SYTL1: variants seen among roughly 807,000 people sequenced by gnomAD.
SYTL1 encodes synaptotagmin like 1, also known as synaptotagmin-like protein 1.
A neutral mutation model predicts 74.6 loss-of-function variants in SYTL1; 53 were observed. The ratio of observed to expected loss-of-function variants is 0.71; its 90% CI spans 0.57 to 0.89. The LOEUF is 0.89. SYTL1 is among the 40% of genes least tolerant of loss of function. The probability of loss-of-function intolerance (pLI) is 0.00; values close to 1 mark genes in which losing one functional copy is unlikely to be tolerated. For missense variants in SYTL1, 728 were observed against 768.7 expected, an observed-to-expected ratio of 0.95 and a Z score of 0.63; for synonymous variants, 329 against 324.9, an observed-to-expected ratio of 1.01 and a Z score of -0.14.
Position 27,347,556 on chromosome 1 carries a change from G to T in SYTL1, c.327G>T (p.Lys109Asn). ...SDLVRASMRR[K>N]KSTRGDQAPG... ...TTGTCCGAGCGTCTATGCGCAGGAA[G>T]AAGAGCACCAGGGGTGAGAGGAGAT... The change falls in exon 3 of 15, where the codon AAG (lysine) becomes AAT (asparagine). Residue 109 changes from lysine to asparagine, a missense_variant. Coordinates refer to ENST00000616558, the MANE Select transcript of SYTL1 (RefSeq NM_001193308.2). This position sits in a 1 kb window ranked among gnomAD's most constrained non-coding sequence, Gnocchi z 4.9. The T allele has an allele frequency of 1.9e-6, 3 of 1,614,038 alleles. No homozygotes were observed. The highest frequency in any genetic ancestry group is 1.1e-5 in the South Asian group (1 of 91,088).
At position 27,350,898 on chromosome 1, in the gene SYTL1, C is replaced by A; in HGVS notation, c.1110C>A (p.Pro370=). ...TCTTTCTGGGCGAAGTTGAAGTGCC[C>A]CTGGACACGTGGGACTGGGGCTCTG... ...RNIFLGEVEV[P]LDTWDWGSEP... Residue 370 remains proline, a synonymous_variant, in exon 11 of 15, where the codon CCC becomes CCA. Transcript: ENST00000616558. This position sits in a 1 kb window ranked among gnomAD's most constrained non-coding sequence, Gnocchi z 6.3. 1 of 1,613,718 alleles carries A rather than the reference C, an allele frequency of 6.2e-7. No homozygotes were observed. Among genetic ancestry groups the A allele is most frequent in the Non-Finnish European group, 8.5e-7 (1 of 1,179,982 alleles).
At chr1:27,344,371 G>T (rs75195611) in intron 1 of SYTL1, among the ~76,000 whole-genome samples, 41,530 of 151,682 alleles carry the variant, frequency 0.27, 7,318 homozygotes, top group Non-Finnish European at 0.39. Flanking sequence ...CCAAAGTGCT[G>T]GGATTACAGG....
rs777482526 is a variant in SYTL1 at position 27,350,824 on chromosome 1, C to T, written c.1036C>T (p.Arg346Cys). The change falls in exon 11 of 15, where the codon CGC (arginine) becomes TGC (cysteine). Residue 346 changes from arginine (R) to cysteine (C), a missense_variant. Physicochemically the swap from Arg to Cys is radical, Grantham distance 180. Transcript: ENST00000616558. The surrounding 1 kb of genome is among the most constrained non-coding windows in gnomAD (Gnocchi z 6.3). The stretch of plus-strand genomic sequence containing the variant: ...CGTCCCGCAGGCCGAGCTTCAGGGC[C>T]GCGTGCTGAGCCTGTCTGTGTGGCA... ...YSVPQAELQG[R>C]VLSLSVWHRE... 6 of 1,613,832 alleles carry T rather than the reference C, an allele frequency of 3.7e-6. No homozygotes were observed. Among genetic ancestry groups the T allele is most frequent in the Admixed American group, 1.7e-5 (1 of 60,022 alleles).
In SYTL1 at chr1:27,349,457, G is replaced by A. The variant is rs1571039472; in HGVS notation, c.592G>A (p.Ala198Thr). The A allele has an allele frequency of 6.9e-7, 1 of 1,453,050 alleles. No homozygotes were observed. Among genetic ancestry groups the A allele is most frequent in the East Asian group, 2.5e-5 (1 of 39,696 alleles). 90.0% of individuals were successfully genotyped at this position (1,453,050 alleles called of 1,614,324 possible). Residue 198 changes from alanine to threonine, a missense_variant, in exon 7 of 15, where the codon GCG becomes ACG. Physicochemically the swap from Ala to Thr is moderately conservative, Grantham distance 58. Transcript: ENST00000616558. Reference sequence around the variant, plus strand: ...GGAGGCTGACCCGGAGCTGGAGCCCGCGTCGGGGGGAGAGCAGGAGCCGCG... The same window carrying A: ...GGAGGCTGACCCGGAGCTGGAGCCCACGTCGGGGGGAGAGCAGGAGCCGCG... The part of the protein sequence containing the change: ...AEEADPELEP[A>T]SGGEQEPRPQ...
chr1:27,350,834 G>A lies in SYTL1; in HGVS notation c.1046G>A (p.Ser349Asn), dbSNP rs745555051. The change falls in exon 11 of 15, where the codon AGC becomes AAC. Residue 349 changes from serine (S) to asparagine (N), a missense_variant. By Grantham distance (46) the Ser-to-Asn change is conservative (BLOSUM62 1). Transcript: ENST00000616558. The surrounding 1 kb of genome is among the most constrained non-coding windows in gnomAD (Gnocchi z 6.3). ...GCCGAGCTTCAGGGCCGCGTGCTGA[G>A]CCTGTCTGTGTGGCACCGCGAAAGC... Reference protein sequence around the residue: ...PQAELQGRVLSLSVWHRESLG... With the variant: ...PQAELQGRVLNLSVWHRESLG... 1.9e-5 allele frequency: 30 copies of A among 1,613,746 alleles called. No homozygotes were observed. The highest frequency in any genetic ancestry group is 2.5e-5 in the Non-Finnish European group (29 of 1,180,036).
At position 27,348,473 on chromosome 1, in the gene SYTL1, T is replaced by C. The variant is rs2015096841; in HGVS notation, c.459+461T>C. Among the ~76,000 whole-genome samples, 1 of 151,856 alleles carries C rather than the reference T, an allele frequency of 6.6e-6. No homozygotes were observed. Among genetic ancestry groups the C allele is most frequent in the Admixed American group, 6.6e-5 (1 of 15,256 alleles). On this transcript the variant is annotated intron_variant, in intron 5 of 14. Transcript: ENST00000616558. This position sits in a 1 kb window ranked among gnomAD's most constrained non-coding sequence, Gnocchi z 4.1. Reference sequence around the variant, plus strand: ...GCTCACGCCTATAATCCCAGCACTTTGGGAAGCCGAGATCACCTGAGGTCA... The same window carrying C: ...GCTCACGCCTATAATCCCAGCACTTCGGGAAGCCGAGATCACCTGAGGTCA...
Position 27,350,883 on chromosome 1 carries a change from C to A in SYTL1, c.1095C>A (p.Gly365=). The part of the protein sequence containing the change: ...RESLGRNIFL[G]EVEVPLDTWD... ...GCCTGGGTCGCAACATCTTTCTGGG[C>A]GAAGTTGAAGTGCCCCTGGACACGT... is the stretch of plus-strand genomic sequence containing the variant. The change falls in exon 11 of 15, where the codon GGC becomes GGA. Residue 365 remains glycine, a synonymous_variant. Transcript: ENST00000616558. The surrounding 1 kb of genome is among the most constrained non-coding windows in gnomAD (Gnocchi z 6.3). The A allele has an allele frequency of 4.3e-6, 7 of 1,613,766 alleles. No homozygotes were observed. The highest frequency in any genetic ancestry group is 5.9e-6 in the Non-Finnish European group (7 of 1,180,004).
intron 1 of SYTL1, among the ~76,000 whole-genome samples, chr1:27,344,172 C>T (rs2014896566): frequency 6.6e-6 from 1 of 151,808 alleles, no homozygotes; most frequent in Admixed American, 6.6e-5. Context: ...GGTGTGATCT[C>T]GGTTTACCAT....
At chr1:27,346,697 G>A (rs2015017551) in intron 2 of SYTL1, among the ~76,000 whole-genome samples, 2 of 151,946 alleles carry the variant, frequency 1.3e-5, no homozygotes, top group South Asian at 4.1e-4. Flanking sequence ...AGGAGGTCAG[G>A]CTGCAATGAG....
rs2014970349 is a variant in SYTL1, at chr1:27,345,663, G to C, written c.191+138G>C. ...CTTCAGTCTCCTCTGGCCTTGGCCA[G>C]CTCACAGCTCATCACTTCTCCAGGG... On this transcript the variant is annotated intron_variant, in intron 2 of 14. Coordinates refer to ENST00000616558, the MANE Select transcript of SYTL1 (RefSeq NM_001193308.2). This position sits in a 1 kb window ranked among gnomAD's most constrained non-coding sequence, Gnocchi z 6.0. 3.5e-6 allele frequency: 2 copies of C among 575,292 alleles called. No homozygotes were observed. The highest frequency in any genetic ancestry group is 3.9e-5 in the African/African-American group (2 of 51,188). 35.6% of individuals were successfully genotyped at this position (575,292 alleles called of 1,614,324 possible).
At position 27,347,622 on chromosome 1, in the gene SYTL1, C is replaced by T. The variant is rs1399540035; in HGVS notation, c.340+53C>T. 26 of 1,590,574 alleles carry T rather than the reference C, an allele frequency of 1.6e-5. No individual in the cohort carries two copies. The highest frequency in any genetic ancestry group is 1.0e-4 in the South Asian group (9 of 88,306). On this transcript the variant is annotated intron_variant, in intron 3 of 14. Coordinates refer to ENST00000616558, the MANE Select transcript of SYTL1 (RefSeq NM_001193308.2). The surrounding 1 kb of genome is among the most constrained non-coding windows in gnomAD (Gnocchi z 4.9). Reference sequence around the variant, plus strand: ...AGCCATGTGCCGTCCAGGGCGCTGGCTGTATGTGGACAGGGAGAGAGGACC... The same window carrying T: ...AGCCATGTGCCGTCCAGGGCGCTGGTTGTATGTGGACAGGGAGAGAGGACC...
In SYTL1 at chr1:27,350,434, G is replaced by A. The variant is rs6702341; in HGVS notation, c.954G>A (p.Lys318=). The change falls in exon 10 of 15, where the codon AAG becomes AAA. Residue 318 remains lysine (K), a synonymous_variant. Coordinates refer to ENST00000616558, the MANE Select transcript of SYTL1 (RefSeq NM_001193308.2). The surrounding 1 kb of genome is among the most constrained non-coding windows in gnomAD (Gnocchi z 6.3). ...YLLPDKQSKR[K]TAVKKRNLNP... Reference sequence around the variant, plus strand: ...TCCCGGATAAGCAGAGCAAGCGCAAGACGGCGGTGAAGAAACGGAATCTGA... The same window carrying A: ...TCCCGGATAAGCAGAGCAAGCGCAAAACGGCGGTGAAGAAACGGAATCTGA... The A allele has an allele frequency of 0.36, 581,094 of 1,613,450 alleles. 109,607 individuals are homozygous for A. The highest frequency in any genetic ancestry group is 0.39 in the Non-Finnish European group (462,325 of 1,179,544).
Position 27,342,198 on chromosome 1 carries a change from G to T in SYTL1, c.-39+48G>T. ...TCCCCTGCCAGGGTCCAGAGACGCAGGCACTGCCACCTGGTATCCTGAGCA... is the reference window on the plus strand; with the variant it reads ...TCCCCTGCCAGGGTCCAGAGACGCATGCACTGCCACCTGGTATCCTGAGCA... On this transcript the variant is annotated intron_variant, in intron 1 of 14. Coordinates refer to ENST00000616558, the MANE Select transcript of SYTL1 (RefSeq NM_001193308.2). This position sits in a 1 kb window ranked among gnomAD's most constrained non-coding sequence, Gnocchi z 4.7. The T allele has an allele frequency of 3.6e-6, 1 of 275,404 alleles. No homozygotes were observed. The highest frequency in any genetic ancestry group is 1.4e-4 in the South Asian group (1 of 7,182). The allele number at this position is 275,404 out of a possible 1,614,324, so 17.1% of individuals were successfully genotyped here. A position where few individuals can be genotyped will look rare whatever the true frequency, so the allele number is the denominator to read the frequency against.
Position 27,353,361 on chromosome 1 carries a change from T to A in SYTL1, c.1422T>A (p.Asn474Lys). Residue 474 changes from asparagine (N) to lysine (K), a missense_variant, in exon 14 of 15, where the codon AAT (asparagine) becomes AAA (lysine). By Grantham distance (94) the Asn-to-Lys change is moderately conservative. Transcript: ENST00000616558. ...GACGCAGCCTCAGCCCTGTGTTCAA[T>A]CACACCATGGTGTACGATGGCTTTG... ...VVRRSLSPVF[N>K]HTMVYDGFGP... The A allele has an allele frequency of 1.9e-6, 3 of 1,611,472 alleles. No homozygotes were observed. The highest frequency in any genetic ancestry group is 2.5e-6 in the Non-Finnish European group (3 of 1,179,184).
chr1:27,349,246 C>T, intron 6 of SYTL1, 94 bp downstream of exon 6: 1 of 1,501,388 alleles, frequency 6.7e-7, no homozygotes, highest in Non-Finnish European at 9.0e-7. Flanking sequence ...CCCTCGTCAC[C>T]CCCACTCCCA....
Position 27,351,214 on chromosome 1 carries a change from C to G in SYTL1, c.1165-44C>G. 6.5e-7 allele frequency: 1 copy of G among 1,545,932 alleles called. No homozygotes were observed. The highest frequency in any genetic ancestry group is 8.7e-7 in the Non-Finnish European group (1 of 1,144,792). On this transcript the variant is annotated intron_variant, in intron 11 of 14. Coordinates refer to ENST00000616558, the MANE Select transcript of SYTL1 (RefSeq NM_001193308.2). This position sits in a 1 kb window ranked among gnomAD's most constrained non-coding sequence, Gnocchi z 5.0. The stretch of plus-strand genomic sequence containing the variant: ...CTGCAGACCCCACCCTCCTGAGGCC[C>G]CTTTCCATTAGCCCCTGCTCCACGA...
At chr1:27,349,544 T>A in intron 7 of SYTL1, 46 bp downstream of exon 7, 2 of 1,349,122 alleles carry the variant, frequency 1.5e-6, no homozygotes, top group Non-Finnish European at 1.9e-6. Context: ...CGGAGCGGAC[T>A]CCGGGCGGGG....
intron 13 of SYTL1, 140 bp from the exon 14 acceptor site, chr1:27,353,143 G>A: frequency 1.2e-6 from 1 of 821,312 alleles, no homozygotes. Flanking sequence ...AAAGGTCCCA[G>A]GGCAGTGAGG....
chr1:27,353,271 C>T lies in SYTL1; in HGVS notation c.1344-12C>T. Reference sequence around the variant, plus strand: ...AGGGGGGTCACCTGATGCCAGGCCACCTCCCGCACAGCTTCGTGCTGCCTG... The same window carrying T: ...AGGGGGGTCACCTGATGCCAGGCCATCTCCCGCACAGCTTCGTGCTGCCTG... On this transcript the variant is annotated splice_polypyrimidine_tract_variant and intron_variant, in intron 13 of 14. Coordinates refer to ENST00000616558, the MANE Select transcript of SYTL1 (RefSeq NM_001193308.2). 6.3e-7 allele frequency: 1 copy of T among 1,577,228 alleles called. No individual in the cohort carries two copies. Among genetic ancestry groups the T allele is most frequent in the Non-Finnish European group, 8.6e-7 (1 of 1,161,578 alleles).
Sources: allele counts gnomAD v4.1 joint callset (sites outside exome capture counted in the v4.1 genomes callset), GRCh38; gene constraint gnomAD v4.1.1; non-coding constraint Gnocchi (gnomAD v3.1); transcripts MANE v1.5; gene names NCBI Gene and HGNC (gene_info 2026-07-23, HGNC 2026-07-21).